The following ADGRL2 variants were observed in gnomAD, a reference collection of about 807,000 sequenced individuals.
The protein encoded by ADGRL2 is adhesion G protein-coupled receptor L2.
ADGRL2 carries 44 observed loss-of-function variants against 157.4 expected under a neutral mutation model. The observed-to-expected ratio is 0.28, with a 90% CI of 0.22 to 0.36. The LOEUF is 0.36. Among genes scored for constraint, ADGRL2 ranks in the 10% least tolerant of loss-of-function variants. The pLI, the probability that ADGRL2 is intolerant of heterozygous loss-of-function variation, is 1.00. For synonymous variants in ADGRL2, 585 were observed against 624.7 expected (o/e 0.94, Z 0.95); for missense variants, 1,510 against 1,768.9 (o/e 0.85, Z 2.63).
Position 81,744,170 on chromosome 1 carries a change from A to G in ADGRL2, c.-142-17641A>G, listed in dbSNP as rs182841849. Among the ~76,000 whole-genome samples, 15 of 152,266 alleles carry G rather than the reference A, an allele frequency of 9.9e-5. No homozygotes were observed. The East Asian group carries it at 2.5e-3, about 25-fold the overall frequency. Reference sequence around the variant, plus strand: ...GTTTAAGTATTCTATGAGCAGACAAAAACACTTGTGTTTCTAAATCTTAAA... The same window carrying G: ...GTTTAAGTATTCTATGAGCAGACAAGAACACTTGTGTTTCTAAATCTTAAA... On this transcript the variant is annotated intron_variant, in intron 1 of 20. Transcript: ENST00000359929.
intron 1 of ADGRL2, among the ~76,000 whole-genome samples, chr1:81,744,930 G>A (rs1325696714): frequency 2.6e-5 from 4 of 152,084 alleles, no homozygotes; most frequent in African/African-American, 9.7e-5. Flanking sequence ...ATTCCCAATA[G>A]CCCTTGCAAC....
chr1:81,668,270 CA>C (rs1375315137), intron 3 of ADGRL2, among the ~76,000 whole-genome samples: 1 of 151,942 alleles, frequency 6.6e-6, no homozygotes. Flanking sequence ...ACTAAAAACA[CA>C]AAAATTAGTC....
chr1:81,689,647 G>A (rs913844012), intron 3 of ADGRL2, among the ~76,000 whole-genome samples: 2 of 152,132 alleles, frequency 1.3e-5, no homozygotes, highest in South Asian at 2.1e-4. Context: ...TGCTGTCTTC[G>A]TCCACCCACT....
At chr1:81,879,469 A>G (rs1571872704) in intron 2 of ADGRL2, among the ~76,000 whole-genome samples, 2 of 151,634 alleles carry the variant, frequency 1.3e-5, no homozygotes, top group East Asian at 3.9e-4. Context: ...CTTTTTTTAA[A>G]GTGTTATAGC....
chr1:81,475,991 G>A (rs1437230851), intron 2 of ADGRL2, among the ~76,000 whole-genome samples: 1 of 152,180 alleles, frequency 6.6e-6, no homozygotes, highest in African/African-American at 2.4e-5. Context: ...AAGAAAACCA[G>A]TGAGTGTTCA....
intron 2 of ADGRL2, among the ~76,000 whole-genome samples, chr1:81,493,474 T>G (rs2078674376): frequency 6.6e-6 from 1 of 152,210 alleles, no homozygotes; most frequent in Non-Finnish European, 1.5e-5. Context: ...GCTCTCCTAT[T>G]TTTAGGCCTA....
At chr1:81,340,778 C>T (rs1662012802) in intron 1 of ADGRL2, among the ~76,000 whole-genome samples, 1 of 151,916 alleles carries the variant, frequency 6.6e-6, no homozygotes, top group Non-Finnish European at 1.5e-5. Context: ...ATGTATGCTC[C>T]AGTGTGAGTT....
chr1:81,576,289 A>G (rs1162701276), intron 2 of ADGRL2, among the ~76,000 whole-genome samples: 2 of 152,042 alleles, frequency 1.3e-5, no homozygotes, highest in Non-Finnish European at 2.9e-5. Context: ...TGAGTCTTCC[A>G]CTTCTACCAC....
At chr1:81,707,284 T>C (rs988166142) in intron 1 of ADGRL2, among the ~76,000 whole-genome samples, 1 of 152,174 alleles carries the variant, frequency 6.6e-6, no homozygotes, top group Non-Finnish European at 1.5e-5. Context: ...CTTCCTACAA[T>C]TCATGCTTAG....
chr1:81,803,618 A>G (rs962913998), intron 1 of ADGRL2, among the ~76,000 whole-genome samples: 22 of 151,726 alleles, frequency 1.4e-4, no homozygotes, highest in Admixed American at 3.9e-4. Flanking sequence ...GACCGAGGGA[A>G]TGTTTTCCTC....
intron 2 of ADGRL2, among the ~76,000 whole-genome samples, chr1:81,776,882 TA>T (rs2086609656): frequency 6.6e-6 from 1 of 152,196 alleles, no homozygotes; most frequent in Non-Finnish European, 1.5e-5. Context: ...AACATTAAAA[TA>T]ACCTAGAACC....
intron 1 of ADGRL2, among the ~76,000 whole-genome samples, chr1:81,825,192 A>G (rs1022404153): frequency 1.3e-5 from 2 of 152,100 alleles, no homozygotes; most frequent in African/African-American, 2.4e-5. Context: ...AATACTAAAA[A>G]TCAAAAATAA....
At chr1:81,352,765 C>T (rs559674551) in intron 1 of ADGRL2, among the ~76,000 whole-genome samples, 1 of 152,066 alleles carries the variant, frequency 6.6e-6, no homozygotes, top group East Asian at 1.9e-4. Context: ...AGAAGGGAGA[C>T]ATATACATAA....
intron 1 of ADGRL2, among the ~76,000 whole-genome samples, chr1:81,713,881 A>T (rs2084018997): frequency 6.6e-6 from 1 of 152,230 alleles, no homozygotes; most frequent in Non-Finnish European, 1.5e-5. Context: ...ACTGCTAATA[A>T]AGACATACCG....
At chr1:81,500,959 A>G (rs990784411) in intron 2 of ADGRL2, among the ~76,000 whole-genome samples, 4 of 152,224 alleles carry the variant, frequency 2.6e-5, no homozygotes, top group Admixed American at 1.3e-4. Flanking sequence ...ATATAAATGT[A>G]GAAACTTCAA....
chr1:81,572,784 G>T (rs2080722010), intron 2 of ADGRL2, among the ~76,000 whole-genome samples: 1 of 151,950 alleles, frequency 6.6e-6, no homozygotes, highest in African/African-American at 2.4e-5. Flanking sequence ...TTTTTTCACT[G>T]TAGAACTTTT....
At chr1:81,367,461 A>G (rs907121089) in intron 1 of ADGRL2, among the ~76,000 whole-genome samples, 3 of 152,162 alleles carry the variant, frequency 2.0e-5, no homozygotes, top group African/African-American at 4.8e-5. Context: ...ATAAATGAGA[A>G]CATGTGGTGT....
rs150489901 is a variant in ADGRL2 at position 81,573,177 on chromosome 1, A to G, written c.-247-7699A>G. ...TAAAGAAGCATTTCCCTGGGATCCT[A>G]TTAAAGGCTATCAGGTTTTGCTAAT... On this transcript the variant is annotated intron_variant, in intron 2 of 24. Transcript: ENST00000370721. Among the ~76,000 whole-genome samples the G allele has an allele frequency of 5.3e-5, 8 of 152,146 alleles. No homozygotes were observed. In the East Asian group the frequency reaches 1.5e-3, roughly 29 times the overall value.
In ADGRL2 at chr1:81,857,978, A is replaced by AT. The variant is rs1225297468; in HGVS notation, c.73+20922dup. 3.3e-5 allele frequency among the ~76,000 whole-genome samples: 5 copies of AT among 152,188 alleles called. No homozygotes were observed. The East Asian group carries it at 5.8e-4, about 18-fold the overall frequency. On this transcript the variant is annotated intron_variant, in intron 2 of 23. Coordinates refer to ENST00000686636, the MANE Select transcript of ADGRL2 (RefSeq NM_001366006.2). ...TTTTTAGAATGGCCCTTGAAAATGT[A>AT]TGGGAATGTATTTTATCTCAAACGT...
Sources: gnomAD v4.1 joint callset for allele counts (sites outside exome capture counted in the v4.1 genomes callset) on GRCh38, gnomAD v4.1.1 for gene constraint, MANE v1.5 for transcripts, NCBI Gene and HGNC (gene_info 2026-07-23, HGNC 2026-07-21) for gene names.